Variants in CMTM4 observed in about 807,000 individuals in gnomAD.
CMTM4 encodes CKLF like MARVEL transmembrane domain containing 4.
Under a neutral mutation model 19.0 loss-of-function variants are expected in CMTM4, and 8 were observed. The ratio of observed to expected loss-of-function variants is 0.42; its 90% confidence interval spans 0.25 to 0.76. The LOEUF is 0.76. CMTM4 is among the 30% of genes least tolerant of loss of function. The pLI, the probability that CMTM4 is intolerant of heterozygous loss-of-function variation, is 0.27. For synonymous variants in CMTM4, 106 were observed against 121.1 expected, an observed-to-expected ratio of 0.88 and a Z score of 0.82; for missense variants, 228 against 290.2, an observed-to-expected ratio of 0.79 and a Z score of 1.56.
At chr16:66,630,487 C>T (rs1256099683) in intron 2 of CMTM4, among the ~76,000 whole-genome samples, 11 of 151,946 alleles carry the variant, frequency 7.2e-5, no homozygotes, top group Admixed American at 3.9e-4. Context: ...TGCAGGCGCG[C>T]GCCGCCACGC....
rs2017243322 is a variant in CMTM4, at chr16:66,696,606, C to CCGA, written c.-82_-81insTCG. On this transcript the variant is annotated 5_prime_UTR_variant, in exon 1 of 4. Transcript: ENST00000394106. This position sits in a 1 kb window ranked among gnomAD's most constrained non-coding sequence, Gnocchi z 4.3. ...CGGACTCAGCGGGGCCGCCGCATCG[C>CCGA]CGCCGCCGCCGCCGCCGCCGCCGCC... 1.9e-6 allele frequency: 1 copy of CCGA among 521,186 alleles called. No homozygotes were observed. Among genetic ancestry groups the CCGA allele is most frequent in the African/African-American group, 2.5e-5 (1 of 39,810 alleles). The allele number at this position is 521,186 out of a possible 1,614,324, so 32.3% of individuals were successfully genotyped here.
downstream of CMTM4, among the ~76,000 whole-genome samples, chr16:66,610,248 C>T (rs558232759): frequency 6.8e-4 from 103 of 152,250 alleles, no homozygotes; most frequent in South Asian, 3.3e-3. This position sits in a 1 kb window ranked among gnomAD's most constrained non-coding sequence, Gnocchi z 4.6. Context: ...AGCCTCAGGC[C>T]AGGCCGGCAA....
rs540464681 is a variant in CMTM4, at chr16:66,682,668, G to A, written c.186+13672C>T. 3.3e-5 allele frequency among the ~76,000 whole-genome samples: 5 copies of A among 152,174 alleles called. No homozygotes were observed. In the East Asian group the frequency reaches 7.7e-4, roughly 23 times the overall value. On this transcript the variant is annotated intron_variant, in intron 1 of 3. Transcript: ENST00000394106. ...CCCATAGCCTTCTCTAGCCTTCACT[G>A]AAGATCGCCAGCCTCCCTTTGCAGG...
chr16:66,655,771 T>C (rs1031603059), intron 1 of CMTM4, among the ~76,000 whole-genome samples: 10 of 151,944 alleles, frequency 6.6e-5, no homozygotes, highest in African/African-American at 2.4e-4. Flanking sequence ...CTGGAACCAG[T>C]GTAGAGGGGT....
intron 1 of CMTM4, among the ~76,000 whole-genome samples, chr16:66,678,718 T>C (rs1312588150): frequency 1.3e-5 from 2 of 152,380 alleles, no homozygotes; most frequent in East Asian, 3.9e-4. Flanking sequence ...GTCTGCTCTT[T>C]GAATTTTCCT....
chr16:66,667,818 G>A (rs1236116566), intron 1 of CMTM4, among the ~76,000 whole-genome samples: 1 of 152,080 alleles, frequency 6.6e-6, no homozygotes, highest in Admixed American at 6.6e-5. Flanking sequence ...GAACCAGGAG[G>A]CAGAGGTTGC....
chr16:66,641,832 T>A (rs2016101498), intron 1 of CMTM4, among the ~76,000 whole-genome samples: 1 of 152,218 alleles, frequency 6.6e-6, no homozygotes, highest in Non-Finnish European at 1.5e-5. Context: ...CCTACACCTA[T>A]TTAAACCATA....
chr16:66,624,486 G>A (rs1179977445), intron 2 of CMTM4, among the ~76,000 whole-genome samples: 1 of 152,236 alleles, frequency 6.6e-6, no homozygotes. Flanking sequence ...ATGTAAAGAT[G>A]GCTGGTGCGG....
At chr16:66,690,291 G>C (rs1238645492) in intron 1 of CMTM4, among the ~76,000 whole-genome samples, 1 of 152,124 alleles carries the variant, frequency 6.6e-6, no homozygotes, top group Non-Finnish European at 1.5e-5. Flanking sequence ...AACCCTTCAC[G>C]GTTTGACCAG....
chr16:66,651,400 C>T (rs355961), intron 1 of CMTM4, among the ~76,000 whole-genome samples: 1 of 152,170 alleles, frequency 6.6e-6, no homozygotes, highest in East Asian at 1.9e-4. Context: ...CAGGCACCTC[C>T]GAATAACAAC....
chr16:66,654,979 TCC>T (rs1003415884), intron 1 of CMTM4, among the ~76,000 whole-genome samples: 11 of 152,014 alleles, frequency 7.2e-5, no homozygotes, highest in African/African-American at 2.7e-4. Flanking sequence ...TACCCGAATT[TCC>T]TTTTTGTTTT....
the CMTM4 span, among the ~76,000 whole-genome samples, chr16:66,599,866 C>T: frequency 6.6e-6 from 1 of 152,164 alleles, no homozygotes; most frequent in African/African-American, 2.4e-5. Context: ...AGTGCCCCAG[C>T]TCCCCACATC....
At chr16:66,683,448 C>A (rs935348265) in intron 1 of CMTM4, among the ~76,000 whole-genome samples, 3 of 150,200 alleles carry the variant, frequency 2.0e-5, no homozygotes, top group African/African-American at 7.4e-5. Context: ...CCCACCACCA[C>A]GGCCAGCTAA....
chr16:66,656,425 G>A (rs936211558), intron 1 of CMTM4, among the ~76,000 whole-genome samples: 2 of 151,980 alleles, frequency 1.3e-5, no homozygotes, highest in South Asian at 4.2e-4. Context: ...GTACAGCGGC[G>A]TGATCTTGGC....
At chr16:66,680,808 G>A (rs1596959714) in intron 1 of CMTM4, among the ~76,000 whole-genome samples, 1 of 139,666 alleles carries the variant, frequency 7.2e-6, no homozygotes, top group South Asian at 2.4e-4. Flanking sequence ...AAACCATAAT[G>A]GCCACCTCCA....
intron 1 of CMTM4, among the ~76,000 whole-genome samples, chr16:66,637,138 G>C (rs1347688104): frequency 6.6e-6 from 1 of 152,156 alleles, no homozygotes; most frequent in Non-Finnish European, 1.5e-5. Flanking sequence ...AATTAGGTGG[G>C]AACAAGAGGC....
At chr16:66,658,519 G>A (rs2016443435) in intron 1 of CMTM4, among the ~76,000 whole-genome samples, 1 of 152,008 alleles carries the variant, frequency 6.6e-6, no homozygotes, top group Non-Finnish European at 1.5e-5. Flanking sequence ...GATTTCCTGT[G>A]GCCCTTGATC....
Position 66,622,154 on chromosome 16 carries a change from G to T in CMTM4, c.531C>A (p.Val177=), listed in dbSNP as rs201008378. Residue 177 remains valine (V), a synonymous_variant, in exon 4 of 4, where the codon GTC becomes GTA. Coordinates refer to ENST00000394106, the MANE Select transcript of CMTM4 (RefSeq NM_181521.3). The surrounding 1 kb of genome is among the most constrained non-coding windows in gnomAD (Gnocchi z 4.0). ...NTFLAVQKWR[V]SVRQQSTNDY... ...CATTGGTGCTCTGCTGGCGGACGCT[G>T]ACTCTCCATTTCTGCACTGCCAGGA... The T allele has an allele frequency of 1.2e-6, 2 of 1,613,630 alleles. No homozygotes were observed. The highest frequency in any genetic ancestry group is 1.7e-6 in the Non-Finnish European group (2 of 1,179,900).
At chr16:66,659,924 G>A (rs955253485) in intron 1 of CMTM4, among the ~76,000 whole-genome samples, 4 of 152,032 alleles carry the variant, frequency 2.6e-5, no homozygotes, top group Non-Finnish European at 5.9e-5. Flanking sequence ...TTTTAAAAAT[G>A]TTGAAGAACT....
Sources: gnomAD v4.1 joint callset for allele counts (sites outside exome capture counted in the v4.1 genomes callset) on GRCh38, gnomAD v4.1.1 for gene constraint, Gnocchi (gnomAD v3.1) non-coding constraint, MANE v1.5 for transcripts, NCBI Gene and HGNC (gene_info 2026-07-23, HGNC 2026-07-21) for gene names.